Variants in PBK observed in about 807,000 individuals in gnomAD.
PBK encodes the protein PDZ binding kinase.
PBK carries 22 observed loss-of-function variants against 33.5 expected under a neutral mutation model. The observed-to-expected ratio is 0.66, with a 90% confidence interval of 0.47 to 0.94. PBK has a LOEUF of 0.94. Among genes scored for constraint, PBK ranks in the 40% least tolerant of loss-of-function variants. PBK has a pLI of 0.00. For synonymous variants in PBK, 129 were observed against 123.8 expected (o/e 1.04, Z -0.28); for missense variants, 376 against 383.4 (o/e 0.98, Z 0.16).
intron 3 of PBK, among the ~76,000 whole-genome samples, chr8:27,827,117 A>G (rs1441653517): frequency 6.6e-6 from 1 of 152,226 alleles, no homozygotes; most frequent in Non-Finnish European, 1.5e-5. Flanking sequence ...TCTGGAAACA[A>G]TGTAAACCTA....
At chr8:27,836,096 G>A (rs1194813700) in intron 1 of PBK, among the ~76,000 whole-genome samples, 1 of 152,126 alleles carries the variant, frequency 6.6e-6, no homozygotes, top group Non-Finnish European at 1.5e-5. Context: ...TTGGGAAGGG[G>A]CTTAATATTT....
At chr8:27,833,773 G>T (rs184940446) in intron 1 of PBK, among the ~76,000 whole-genome samples, 26 of 151,712 alleles carry the variant, frequency 1.7e-4, no homozygotes, top group Non-Finnish European at 1.2e-4. Context: ...TACTTCCCAG[G>T]AGCAGTTGTT....
intron 3 of PBK, among the ~76,000 whole-genome samples, chr8:27,827,419 C>T (rs201057546): frequency 6.6e-6 from 1 of 152,140 alleles, no homozygotes; most frequent in East Asian, 1.9e-4. Context: ...TGATGGTACA[C>T]GCCTGTAATC....
intron 3 of PBK, among the ~76,000 whole-genome samples, chr8:27,825,826 G>A (rs1806014861): frequency 6.6e-6 from 1 of 152,080 alleles, no homozygotes; most frequent in Non-Finnish European, 1.5e-5. Flanking sequence ...AAAAAAGATA[G>A]CGAATAAGAA....
rs36086402 is a variant in PBK at position 27,811,009 on chromosome 8, T to C, written c.721A>G (p.Met241Val). Residue 241 changes from methionine to valine, a missense_variant, in exon 7 of 8, where the codon ATG becomes GTG. By Grantham distance (21) the Met-to-Val change is conservative. Coordinates refer to ENST00000301905, the MANE Select transcript of PBK (RefSeq NM_018492.4). ...TTAATGTGTGGAATCGATAAAGTCA[T>C]CATTTCCCACAAAGTAAGGCCAAAG... is the stretch of plus-strand genomic sequence containing the variant. ...FAFGLTLWEM[M>V]TLSIPHINLS... 2 of 1,612,566 alleles carry C rather than the reference T, an allele frequency of 1.2e-6. No homozygotes were observed. Among genetic ancestry groups the C allele is most frequent in the African/African-American group, 1.3e-5 (1 of 74,906 alleles).
intron 6 of PBK, among the ~76,000 whole-genome samples, chr8:27,818,147 A>G (rs1479148627): frequency 6.6e-6 from 1 of 152,122 alleles, no homozygotes; most frequent in Non-Finnish European, 1.5e-5. Flanking sequence ...ACAAGGTGCT[A>G]ATGGCCATGC....
rs746499746 is a variant in PBK at position 27,810,406 on chromosome 8, A to ATGAT, written c.864_867dup (p.Tyr290IlefsTer7). ...GAGAAGAGTTCAATTACTTTCTGGTATGATTCATCCAGTTCTTCCATATTA... is the reference window on the plus strand; with the variant it reads ...GAGAAGAGTTCAATTACTTTCTGGTATGATTGATTCATCCAGTTCTTCCATATTA... On this transcript the variant is annotated frameshift_variant, in exon 8 of 8. Transcript: ENST00000301905. LOFTEE classifies it high-confidence loss of function. 6.2e-7 allele frequency: 1 copy of ATGAT among 1,605,054 alleles called. No homozygotes were observed. The highest frequency in any genetic ancestry group is 2.2e-5 in the East Asian group (1 of 44,810).
At chr8:27,822,251 A>C in intron 5 of PBK, 68 bp downstream of exon 5, 1 of 1,171,686 alleles carries the variant, frequency 8.5e-7, no homozygotes. Context: ...TGTCCTGCAA[A>C]GTGATTATTT....
rs1010776889 is a variant in PBK, at chr8:27,820,558, A to C, written c.595+7T>G. On this transcript the variant is annotated splice_region_variant and intron_variant, in intron 6 of 7. Transcript: ENST00000301905. Reference sequence around the variant, plus strand: ...ACAAAATTTTAAAACTTAAGAGTACAACTTACCAGTCATATTTTCATCCAG... The same window carrying C: ...ACAAAATTTTAAAACTTAAGAGTACCACTTACCAGTCATATTTTCATCCAG... 1.9e-6 allele frequency: 3 copies of C among 1,539,230 alleles called. No individual in the cohort carries two copies.
At chr8:27,824,756 A>T (rs1177532971) in intron 3 of PBK, among the ~76,000 whole-genome samples, 2 of 152,188 alleles carry the variant, frequency 1.3e-5, no homozygotes, top group Non-Finnish European at 2.9e-5. Context: ...ATTTTAAAAA[A>T]TCAAAAGGGA....
intron 6 of PBK, among the ~76,000 whole-genome samples, chr8:27,817,623 C>G (rs1805843978): frequency 6.6e-6 from 1 of 151,256 alleles, no homozygotes. Context: ...AATAATATAT[C>G]AGGTTATTAT....
At position 27,817,430 on chromosome 8, in the gene PBK, TA is replaced by T. The variant is rs201534070; in HGVS notation, c.595+3134del. ...ACAGTTTGGAAATCTGCATTTAAAA[TA>T]AGAAAAATATTTTAAAATGTTTATG... is the stretch of plus-strand genomic sequence containing the variant. On this transcript the variant is annotated intron_variant, in intron 6 of 7. Coordinates refer to ENST00000301905, the MANE Select transcript of PBK (RefSeq NM_018492.4). Among the ~76,000 whole-genome samples the T allele has an allele frequency of 7.8e-4, 118 of 152,216 alleles. 1 individual carries two copies. In the East Asian group the frequency reaches 0.022, roughly 29 times the overall value.
At chr8:27,811,956 T>C (rs1200110077) in intron 6 of PBK, 1 of 152,220 alleles carries the variant, frequency 6.6e-6, no homozygotes, top group African/African-American at 2.4e-5. Context: ...CACAGAAATG[T>C]AATCACTAAC....
chr8:27,819,952 A>G (rs940841059), intron 6 of PBK, among the ~76,000 whole-genome samples: 4 of 152,176 alleles, frequency 2.6e-5, no homozygotes, highest in Admixed American at 2.0e-4. Flanking sequence ...AGGCATTTAT[A>G]TGTTCTAAAC....
rs576580735 is a variant in PBK, at chr8:27,816,355, A to ATATT, written c.595+4206_595+4209dup. The stretch of plus-strand genomic sequence containing the variant: ...TTTTCATCGAATACTATATATATAT[A>ATATT]TATTTATTTATTTATTTATTTATTT... On this transcript the variant is annotated intron_variant, in intron 6 of 7. Coordinates refer to ENST00000301905, the MANE Select transcript of PBK (RefSeq NM_018492.4). Among the ~76,000 whole-genome samples the ATATT allele has an allele frequency of 3.7e-4, 52 of 140,890 alleles. 2 individuals carry two copies. The highest frequency in any genetic ancestry group is 6.5e-4 in the African/African-American group (24 of 36,912). The allele number at this position is 140,890 out of a possible 152,430, so 92.4% of individuals were successfully genotyped here. A position where few individuals can be genotyped will look rare whatever the true frequency, so the allele number is the denominator to read the frequency against.
chr8:27,823,187 A>T lies in PBK; in HGVS notation c.171T>A (p.Ser57=). 2.0e-6 allele frequency: 3 copies of T among 1,530,704 alleles called. No homozygotes were observed. Among genetic ancestry groups the T allele is most frequent in the Non-Finnish European group, 2.7e-6 (3 of 1,118,168 alleles). The allele number at this position is 1,530,704 out of a possible 1,614,324, so 94.8% of individuals were successfully genotyped here. The change falls in exon 4 of 8, where the codon TCT becomes TCA. Residue 57 remains serine, a synonymous_variant. Transcript: ENST00000301905. The stretch of plus-strand genomic sequence containing the variant: ...TCTTTTTTACAGCCCAAGGAGAATG[A>T]GACAAACCTCTTGGAGATCTAAGAA... The part of the protein sequence containing the change: ...YLMKRSPRGL[S]HSPWAVKKIN...
intron 6 of PBK, among the ~76,000 whole-genome samples, chr8:27,816,343 C>CTATATATA (rs767822258): frequency 7.3e-6 from 1 of 136,384 alleles, no homozygotes; most frequent in African/African-American, 2.9e-5. Flanking sequence ...TCATCGAATA[C>CTATATATA]TATATATATA....
intron 6 of PBK, among the ~76,000 whole-genome samples, chr8:27,819,093 T>G (rs1204306438): frequency 6.6e-6 from 1 of 152,200 alleles, no homozygotes; most frequent in Admixed American, 6.5e-5. Context: ...ATCGCTTTAA[T>G]TACTGTAGCT....
chr8:27,819,397 T>G (rs752865141), intron 6 of PBK, among the ~76,000 whole-genome samples: 12 of 152,112 alleles, frequency 7.9e-5, no homozygotes, highest in Non-Finnish European at 1.5e-4. Flanking sequence ...TCAAATAGGG[T>G]TTGACTTGTT....
Sources: allele counts gnomAD v4.1 joint callset (sites outside exome capture counted in the v4.1 genomes callset), GRCh38; gene constraint gnomAD v4.1.1; transcripts MANE v1.5; gene names NCBI Gene and HGNC (gene_info 2026-07-23, HGNC 2026-07-21).